Variants in SLC1A6 observed in about 807,000 individuals in gnomAD.
The protein encoded by SLC1A6 is solute carrier family 1 member 6, also known as excitatory amino acid transporter 4.
Under a neutral mutation model 42.1 loss-of-function variants are expected in SLC1A6, and 15 were observed. That is an observed-to-expected ratio of 0.36 (90% CI 0.24 to 0.55). SLC1A6 has a LOEUF of 0.55. Among genes scored for constraint, SLC1A6 ranks in the 20% least tolerant of loss-of-function variants. SLC1A6 has a pLI of 0.88. For missense variants in SLC1A6, 542 were observed against 772.5 expected (o/e 0.70, Z 3.54); for synonymous variants, 317 against 319.7 (o/e 0.99, Z 0.09).
intron 1 of SLC1A6, among the ~76,000 whole-genome samples, chr19:15,010,223 G>GA (rs59926695): frequency 4.3e-5 from 3 of 70,400 alleles, no homozygotes; most frequent in African/African-American, 1.9e-4. Flanking sequence ...GAAAGAGAGA[G>GA]AGAGAAAAGA....
intron 1 of SLC1A6, among the ~76,000 whole-genome samples, chr19:14,990,786 C>CAAAAAAAAAAAA (rs60926365): frequency 4.8e-5 from 6 of 124,786 alleles, no homozygotes; most frequent in Admixed American, 8.3e-5. Flanking sequence ...CAAAACAAAA[C>CAAAAAAAAAAAA]AAAAAAAAAA....
At chr19:14,984,852 A>G (rs2045785403), upstream of SLC1A6, among the ~76,000 whole-genome samples, 1 of 152,088 alleles carries the variant, frequency 6.6e-6, no homozygotes, top group Non-Finnish European at 1.5e-5. Context: ...ACAAATTTTT[A>G]AAAATTATAA....
chr19:15,000,608 C>T (rs10417947), intron 1 of SLC1A6, among the ~76,000 whole-genome samples: 8,863 of 152,178 alleles, frequency 0.058, 422 homozygotes, highest in South Asian at 0.27. Context: ...TTTATCCAAC[C>T]GGATGGACTC....
chr19:14,971,741 G>T lies in SLC1A6; in HGVS notation c.339C>A (p.Val113=). ...CACTGGCCTGGGCTCTCTCACCTGT[G>T]ACCAGGCTGGAGACAATGAGAGGTA... is the stretch of plus-strand genomic sequence containing the variant. ...LVLPLIVSSL[V]TGMASLDNKA... is the part of the protein sequence containing the mutation. The change falls in exon 3 of 10, where the codon GTC becomes GTA. Residue 113 remains valine, a synonymous_variant. Coordinates refer to ENST00000594383, the MANE Select transcript of SLC1A6 (RefSeq NM_005071.3). The T allele has an allele frequency of 6.2e-7, 1 of 1,613,950 alleles. No homozygotes were observed. The highest frequency in any genetic ancestry group is 1.1e-5 in the South Asian group (1 of 91,038).
chr19:14,961,580 T>C (rs1359192883), intron 6 of SLC1A6: 1 of 171,746 alleles, frequency 5.8e-6, no homozygotes, highest in East Asian at 1.6e-4. Flanking sequence ...ATTTAACCAA[T>C]GCATAGATGA....
intron 9 of SLC1A6, among the ~76,000 whole-genome samples, chr19:14,952,315 G>A (rs1176086848): frequency 3.3e-5 from 5 of 151,400 alleles, no homozygotes; most frequent in Admixed American, 1.3e-4. Context: ...TTGGGAGGCT[G>A]AGGCAGGTGG....
intron 1 of SLC1A6, among the ~76,000 whole-genome samples, chr19:14,999,311 A>T (rs571844552): frequency 6.6e-6 from 1 of 152,072 alleles, no homozygotes; most frequent in Non-Finnish European, 1.5e-5. Flanking sequence ...TCTTTATATA[A>T]ACTCTTTCAA....
chr19:14,973,062 T>C, intron 1 of SLC1A6, 145 bp from the exon 2 acceptor site: 1 of 626,520 alleles, frequency 1.6e-6, no homozygotes, highest in Non-Finnish European at 2.8e-6. Flanking sequence ...CTCACGCCTG[T>C]AATCCCAGCA....
intron 9 of SLC1A6, among the ~76,000 whole-genome samples, chr19:14,950,944 CTCA>C (rs2045404926): frequency 1.0e-5 from 1 of 96,524 alleles, no homozygotes; most frequent in African/African-American, 4.2e-5. Flanking sequence ...GACCCTGTCT[CTCA>C]AAAAAAAAGA....
intron 9 of SLC1A6, among the ~76,000 whole-genome samples, chr19:14,951,984 T>C (rs566693277): frequency 1.3e-4 from 12 of 95,004 alleles, no homozygotes; most frequent in African/African-American, 4.4e-4. Flanking sequence ...AGCTAATTTT[T>C]GTATTTTTTG....
chr19:14,954,050 C>T, intron 8 of SLC1A6, 85 bp downstream of exon 8: 1 of 1,029,960 alleles, frequency 9.7e-7, no homozygotes, highest in Non-Finnish European at 1.4e-6. Context: ...CAGCTGAGGC[C>T]CCCTCCTCCC....
chr19:14,960,769 G>A (rs536831525), intron 6 of SLC1A6, among the ~76,000 whole-genome samples: 33 of 152,248 alleles, frequency 2.2e-4, no homozygotes, highest in African/African-American at 7.5e-4. Context: ...GGGACTCGCA[G>A]GAAAGGGAGA....
chr19:14,957,974 T>C (rs1023925938), intron 6 of SLC1A6, among the ~76,000 whole-genome samples: 16 of 152,098 alleles, frequency 1.1e-4, no homozygotes, highest in East Asian at 3.9e-4. Flanking sequence ...AAAAGGAGAA[T>C]AGAGAAGATG....
intron 1 of SLC1A6, among the ~76,000 whole-genome samples, chr19:14,997,463 G>A (rs568190819): frequency 6.6e-6 from 1 of 152,252 alleles, no homozygotes; most frequent in South Asian, 2.1e-4. Context: ...ACTGATAATT[G>A]TCTCAGATAT....
chr19:15,004,835 A>C (rs950887590), intron 1 of SLC1A6, among the ~76,000 whole-genome samples: 7 of 152,172 alleles, frequency 4.6e-5, no homozygotes, highest in Admixed American at 4.6e-4. Flanking sequence ...GTACTGAAAA[A>C]TTTTCCTAGT....
intron 1 of SLC1A6, among the ~76,000 whole-genome samples, chr19:15,004,331 C>T (rs2045886211): frequency 1.3e-5 from 2 of 151,816 alleles, no homozygotes; most frequent in Admixed American, 1.3e-4. Flanking sequence ...CACACAGAGG[C>T]ATGGTGGGGG....
intron 1 of SLC1A6, among the ~76,000 whole-genome samples, chr19:15,001,767 T>C (rs1341584782): frequency 6.6e-6 from 1 of 151,978 alleles, no homozygotes; most frequent in Non-Finnish European, 1.5e-5. Flanking sequence ...GCTCAGGTGA[T>C]TCTCCTTCTT....
Position 14,976,203 on chromosome 19 carries a change from T to C in SLC1A6, c.-8+3106A>G, listed in dbSNP as rs1310653179. 3.3e-5 allele frequency among the ~76,000 whole-genome samples: 5 copies of C among 152,204 alleles called. No individual in the cohort carries two copies. In the East Asian group the frequency reaches 9.6e-4, roughly 29 times the overall value. ...CCACCCCAAGGAAAACAAATCATTG[T>C]ATCAAAAGGATATCTGCACTGGCAT... is the stretch of plus-strand genomic sequence containing the variant. On this transcript the variant is annotated intron_variant, in intron 1 of 9. Transcript: ENST00000594383.
chr19:14,984,941 G>T (rs547699191), intron 1 of SLC1A6, among the ~76,000 whole-genome samples: 1 of 152,300 alleles, frequency 6.6e-6, no homozygotes, highest in African/African-American at 2.4e-5. Flanking sequence ...GAGTGCAGTG[G>T]TGTGATCTCG....
Sources: allele counts gnomAD v4.1 joint callset (sites outside exome capture counted in the v4.1 genomes callset), GRCh38; gene constraint gnomAD v4.1.1; transcripts MANE v1.5; gene names NCBI Gene and HGNC (gene_info 2026-07-23, HGNC 2026-07-21).